SLC9A9: variants seen among roughly 807,000 people sequenced by gnomAD.
SLC9A9 encodes solute carrier family 9 member A9.
Under a neutral mutation model 77.8 loss-of-function variants are expected in SLC9A9, and 62 were observed. The ratio of observed to expected loss-of-function variants is 0.80; its 90% CI spans 0.65 to 0.98. SLC9A9 has a LOEUF of 0.98. Ranked by LOEUF, SLC9A9 falls within the 50% of genes least tolerant of loss-of-function variation. SLC9A9 has a pLI of 0.00. For missense variants in SLC9A9, 775 were observed against 774.9 expected, an observed-to-expected ratio of 1.00 and a Z score of 0.00; for synonymous variants, 320 against 283.5, an observed-to-expected ratio of 1.13 and a Z score of -1.29.
chr3:143,690,339 A>T (rs1389274266), intron 5 of SLC9A9, among the ~76,000 whole-genome samples: 4 of 152,118 alleles, frequency 2.6e-5, no homozygotes, highest in Non-Finnish European at 5.9e-5. Context: ...TGAATTTGTG[A>T]TATAATTTCT....
intron 14 of SLC9A9, among the ~76,000 whole-genome samples, chr3:143,311,920 C>A (rs1196355572): frequency 6.6e-6 from 1 of 152,130 alleles, no homozygotes; most frequent in Non-Finnish European, 1.5e-5. Context: ...TTTTGAAAAT[C>A]CATTACACTT....
intron 2 of SLC9A9, among the ~76,000 whole-genome samples, chr3:143,827,756 C>G (rs2108885936): frequency 6.6e-6 from 1 of 152,306 alleles, no homozygotes; most frequent in East Asian, 1.9e-4. Flanking sequence ...AGACACTAAA[C>G]TATATTTTTC....
chr3:143,459,541 C>G (rs1192575698), intron 12 of SLC9A9, among the ~76,000 whole-genome samples: 1 of 152,018 alleles, frequency 6.6e-6, no homozygotes. Context: ...TATGTGATAC[C>G]CAGTGTCCAG....
chr3:143,358,048 C>CT (rs1559881496), intron 14 of SLC9A9, among the ~76,000 whole-genome samples: 1 of 146,242 alleles, frequency 6.8e-6, no homozygotes, highest in African/African-American at 2.5e-5. Flanking sequence ...TTAGTTAAGA[C>CT]TAAAATGCCA....
intron 6 of SLC9A9, among the ~76,000 whole-genome samples, chr3:143,611,110 T>A (rs1160064075): frequency 1.3e-5 from 2 of 151,688 alleles, no homozygotes; most frequent in African/African-American, 2.4e-5. Flanking sequence ...TAGAAAAAAA[T>A]TTCAGAAAAA....
intron 12 of SLC9A9, among the ~76,000 whole-genome samples, chr3:143,460,029 A>G (rs2035162332): frequency 6.6e-6 from 1 of 152,178 alleles, no homozygotes; most frequent in African/African-American, 2.4e-5. Context: ...AATCTAAGGC[A>G]TATGTCCACT....
chr3:143,476,495 A>G (rs1056182569), intron 11 of SLC9A9, among the ~76,000 whole-genome samples: 10 of 152,388 alleles, frequency 6.6e-5, no homozygotes, highest in African/African-American at 2.4e-4. Flanking sequence ...GTCAACAAGC[A>G]TAGATGCCTC....
intron 4 of SLC9A9, among the ~76,000 whole-genome samples, chr3:143,719,263 A>G (rs921698891): frequency 1.3e-5 from 2 of 152,174 alleles, no homozygotes; most frequent in African/African-American, 4.8e-5. Flanking sequence ...CAGCTTCCTC[A>G]ACACACCTCC....
chr3:143,643,105 T>C (rs1368918040), intron 6 of SLC9A9, among the ~76,000 whole-genome samples: 1 of 152,174 alleles, frequency 6.6e-6, no homozygotes, highest in Non-Finnish European at 1.5e-5. Flanking sequence ...TTTTTTATTG[T>C]GAGCTCATTT....
intron 12 of SLC9A9, among the ~76,000 whole-genome samples, chr3:143,387,750 A>T (rs1159588259): frequency 6.6e-6 from 1 of 151,314 alleles, no homozygotes; most frequent in African/African-American, 2.4e-5. Context: ...TAGACATATT[A>T]AAATCTCAGG....
chr3:143,720,654 T>C (rs2108802300), intron 4 of SLC9A9, among the ~76,000 whole-genome samples: 1 of 152,186 alleles, frequency 6.6e-6, no homozygotes. Context: ...CCAGTATCCC[T>C]CCCCCTCTCC....
Position 143,392,949 on chromosome 3 carries a change from G to A in SLC9A9, c.1470-10835C>T, listed in dbSNP as rs142733294. ...AGGAACACCCAGATTCATAAAGCAA[G>A]TCCTTGAGACCTACAAAGAGACTTA... On this transcript the variant is annotated intron_variant, in intron 12 of 15. Coordinates refer to ENST00000316549, the MANE Select transcript of SLC9A9 (RefSeq NM_173653.4). Among the ~76,000 whole-genome samples the A allele has an allele frequency of 5.2e-3, 789 of 152,270 alleles. 4 individuals are homozygous for A. The highest frequency in any genetic ancestry group is 0.01 in the Middle Eastern group (3 of 294).
intron 1 of SLC9A9, among the ~76,000 whole-genome samples, chr3:143,847,310 T>C (rs2009850674): frequency 6.6e-6 from 1 of 152,240 alleles, no homozygotes; most frequent in Non-Finnish European, 1.5e-5. Context: ...TGAAGTAAAC[T>C]ATTTCATCAG....
At chr3:143,523,737 T>C (rs2036357508) in intron 9 of SLC9A9, among the ~76,000 whole-genome samples, 1 of 152,146 alleles carries the variant, frequency 6.6e-6, no homozygotes, top group Non-Finnish European at 1.5e-5. Flanking sequence ...ATCCTCTTAA[T>C]GTCCAGCCCA....
chr3:143,350,059 T>C (rs1223647361), intron 14 of SLC9A9, among the ~76,000 whole-genome samples: 1 of 152,080 alleles, frequency 6.6e-6, no homozygotes, highest in Non-Finnish European at 1.5e-5. Flanking sequence ...ACACATATTG[T>C]CTCCCCACAA....
intron 12 of SLC9A9, among the ~76,000 whole-genome samples, chr3:143,434,338 TAAAAG>T (rs1219492362): frequency 6.6e-6 from 1 of 152,136 alleles, no homozygotes; most frequent in African/African-American, 2.4e-5. Flanking sequence ...ATGAATAACT[TAAAAG>T]AGAAAGAGGG....
At chr3:143,386,046 C>T (rs1415737632) in intron 12 of SLC9A9, among the ~76,000 whole-genome samples, 2 of 152,196 alleles carry the variant, frequency 1.3e-5, no homozygotes, top group Non-Finnish European at 2.9e-5. Context: ...TTCCTGAACT[C>T]CAAGCACTGT....
intron 4 of SLC9A9, among the ~76,000 whole-genome samples, chr3:143,704,830 T>C (rs1323928795): frequency 6.6e-6 from 1 of 151,952 alleles, no homozygotes; most frequent in East Asian, 1.9e-4. Flanking sequence ...CCATCTCTAC[T>C]AAAAATACAA....
At chr3:143,742,412 G>A (rs560147056) in intron 4 of SLC9A9, among the ~76,000 whole-genome samples, 14 of 152,284 alleles carry the variant, frequency 9.2e-5, no homozygotes, top group East Asian at 5.8e-4. Flanking sequence ...CTGTCTTGAT[G>A]AATTGGCTCT....
Sources: gnomAD v4.1 joint callset for allele counts (sites outside exome capture counted in the v4.1 genomes callset) on GRCh38, gnomAD v4.1.1 for gene constraint, MANE v1.5 for transcripts, NCBI Gene and HGNC (gene_info 2026-07-23, HGNC 2026-07-21) for gene names.